The following FBXO36 variants were observed in gnomAD, a reference collection of about 807,000 sequenced individuals.
FBXO36 encodes F-box only protein 36.
Under a neutral mutation model 17.0 loss-of-function variants are expected in FBXO36, and 18 were observed. The ratio of observed to expected loss-of-function variants is 1.06; its 90% CI spans 0.73 to 1.57. The LOEUF (loss-of-function observed/expected upper bound fraction) is 1.57, where lower values mean the gene tolerates loss of function less well. Among genes scored for constraint, FBXO36 ranks in the 40% most tolerant of loss-of-function variants. FBXO36 has a pLI of 0.00. For missense variants in FBXO36, 229 were observed against 221.9 expected (o/e 1.03, Z -0.20); for synonymous variants, 83 against 85.3 (o/e 0.97, Z 0.15).
intron 1 of FBXO36, among the ~76,000 whole-genome samples, chr2:229,930,412 T>A (rs923014772): frequency 6.6e-6 from 1 of 152,168 alleles, no homozygotes; most frequent in Admixed American, 6.5e-5. Context: ...CAGCTGTCTT[T>A]TTGTTTTTCT....
intron 1 of FBXO36, among the ~76,000 whole-genome samples, chr2:229,925,179 T>C (rs750401875): frequency 6.6e-6 from 1 of 152,084 alleles, no homozygotes. Flanking sequence ...GTCAGTTACA[T>C]ATATATAAAA....
chr2:229,924,362 G>A (rs1484245020), intron 1 of FBXO36, among the ~76,000 whole-genome samples: 1 of 152,154 alleles, frequency 6.6e-6, no homozygotes, highest in Non-Finnish European at 1.5e-5. Context: ...CAAATTGCTA[G>A]GATTATAGAC....
At chr2:229,948,905 C>T (rs757409663) in intron 1 of FBXO36, among the ~76,000 whole-genome samples, 24 of 152,204 alleles carry the variant, frequency 1.6e-4, no homozygotes, top group Non-Finnish European at 2.8e-4. Context: ...ATGATCTCAG[C>T]TCACTGCAGC....
Position 230,010,982 on chromosome 2 carries a change from T to C in FBXO36, c.*98T>C. 1 of 1,282,968 alleles carries C rather than the reference T, an allele frequency of 7.8e-7. No homozygotes were observed. 79.5% of individuals were successfully genotyped at this position (1,282,968 alleles called of 1,614,324 possible). A position where few individuals can be genotyped will look rare whatever the true frequency, so the allele number is the denominator to read the frequency against. Reference sequence around the variant, plus strand: ...TCCTTTTCTTAAGAACTAAGAGGTTTTGTTGATGCGTGGAGCCATTTGAAA... The same window carrying C: ...TCCTTTTCTTAAGAACTAAGAGGTTCTGTTGATGCGTGGAGCCATTTGAAA... On this transcript the variant is annotated 3_prime_UTR_variant, in exon 4 of 4. Coordinates refer to ENST00000283946, the MANE Select transcript of FBXO36 (RefSeq NM_174899.5).
chr2:229,956,253 C>T (rs2077086569), intron 1 of FBXO36, among the ~76,000 whole-genome samples: 1 of 152,172 alleles, frequency 6.6e-6, no homozygotes, highest in South Asian at 2.1e-4. Context: ...TCTGCCGAGG[C>T]CTCTCTCCTT....
intron 2 of FBXO36, among the ~76,000 whole-genome samples, chr2:229,978,594 T>C (rs1050473000): frequency 2.6e-5 from 4 of 151,300 alleles, no homozygotes; most frequent in African/African-American, 9.7e-5. Flanking sequence ...TCTCAAAAAA[T>C]AATAATAATA....
At chr2:229,949,752 T>C (rs1225779433) in intron 1 of FBXO36, among the ~76,000 whole-genome samples, 7 of 151,776 alleles carry the variant, frequency 4.6e-5, no homozygotes, top group Admixed American at 1.3e-4. Flanking sequence ...GGTGAAACCC[T>C]GACTCTACTA....
chr2:229,925,126 T>A (rs942794434), intron 1 of FBXO36, among the ~76,000 whole-genome samples: 2 of 151,686 alleles, frequency 1.3e-5, no homozygotes, highest in East Asian at 1.9e-4. Context: ...TTATTTATTT[T>A]TTATTTTTTG....
rs916346152 is a variant in FBXO36 at position 229,975,511 on chromosome 2, C to A, written c.97-730C>A. 6.4e-4 allele frequency among the ~76,000 whole-genome samples: 97 copies of A among 151,122 alleles called. 1 individual carries two copies. The highest frequency in any genetic ancestry group is 2.3e-3 in the African/African-American group (95 of 41,044). On this transcript the variant is annotated intron_variant, in intron 1 of 3. Transcript: ENST00000283946. ...TGAGACAGGGTCTCACTCTGTCACC[C>A]AGGCTGGAGTACAGTGGTGCGATCT...
At chr2:229,967,389 C>T (rs1024358707) in intron 1 of FBXO36, among the ~76,000 whole-genome samples, 28 of 152,166 alleles carry the variant, frequency 1.8e-4, no homozygotes, top group Admixed American at 1.1e-3. Context: ...TGCCTGATTG[C>T]CCTGGCCAGA....
chr2:229,935,853 G>A (rs1407469548), intron 1 of FBXO36, among the ~76,000 whole-genome samples: 1 of 152,192 alleles, frequency 6.6e-6, no homozygotes, highest in Non-Finnish European at 1.5e-5. Flanking sequence ...AAAGTATGTA[G>A]TCTGCCCTCA....
chr2:230,009,231 A>G (rs2077402369), intron 3 of FBXO36, among the ~76,000 whole-genome samples: 1 of 152,018 alleles, frequency 6.6e-6, no homozygotes, highest in Admixed American at 6.6e-5. Flanking sequence ...GCTGTTTGGG[A>G]TAGGAGGTAG....
At position 230,011,091 on chromosome 2, in the gene FBXO36, A is replaced by G. The variant is rs190993116; in HGVS notation, c.*207A>G. 1.2e-4 allele frequency: 66 copies of G among 531,952 alleles called. No individual in the cohort carries two copies. Among genetic ancestry groups the G allele is most frequent in the African/African-American group, 1.2e-3 (63 of 52,752 alleles). The allele number at this position is 531,952 out of a possible 1,614,324, so 33.0% of individuals were successfully genotyped here. On this transcript the variant is annotated 3_prime_UTR_variant, in exon 4 of 4. Transcript: ENST00000283946. ...GTCACCGTCATTCTGAGGTCAAATC[A>G]TGGCCCGAGGACAAGGGCTGTAAGA...
chr2:229,934,022 T>A (rs143394209), intron 1 of FBXO36, among the ~76,000 whole-genome samples: 4 of 151,402 alleles, frequency 2.6e-5, no homozygotes, highest in African/African-American at 9.7e-5. Context: ...TTAAAAAAAG[T>A]TTTGTGATTA....
intron 1 of FBXO36, chr2:229,939,058 G>GTTTTTTTT (rs199897011): frequency 8.6e-6 from 1 of 115,618 alleles, no homozygotes; most frequent in African/African-American, 3.4e-5. Context: ...TTTGTTTTTT[G>GTTTTTTTT]TTTTTTTTTT....
rs150951776 is a variant in FBXO36 at position 229,966,697 on chromosome 2, G to A, written c.97-9544G>A. On this transcript the variant is annotated intron_variant, in intron 1 of 3. Coordinates refer to ENST00000283946, the MANE Select transcript of FBXO36 (RefSeq NM_174899.5). ...TCAAAGACCAGATGGTTGTAGATCT[G>A]TGGTATTATTTCTGAGGGCTTTGTT... Among the ~76,000 whole-genome samples the A allele has an allele frequency of 8.8e-3, 1,333 of 152,192 alleles. 16 individuals are homozygous for A. Among genetic ancestry groups the A allele is most frequent in the African/African-American group, 0.03 (1,258 of 41,504 alleles).
chr2:229,930,110 G>C (rs2076931800), intron 1 of FBXO36, among the ~76,000 whole-genome samples: 1 of 152,154 alleles, frequency 6.6e-6, no homozygotes, highest in African/African-American at 2.4e-5. Flanking sequence ...CACGTTGGGA[G>C]ACCTAGGCAG....
chr2:229,948,856 C>T (rs764297817), intron 1 of FBXO36, among the ~76,000 whole-genome samples: 41 of 152,122 alleles, frequency 2.7e-4, no homozygotes, highest in Non-Finnish European at 4.4e-4. Context: ...TTTTTTGAGA[C>T]GAAGTCTCAT....
intron 1 of FBXO36, among the ~76,000 whole-genome samples, chr2:229,964,526 T>G (rs1449126840): frequency 6.6e-6 from 1 of 152,250 alleles, no homozygotes; most frequent in Non-Finnish European, 1.5e-5. Flanking sequence ...TTCTTTTTGT[T>G]TCTTTGTTTT....
Sources: allele counts gnomAD v4.1 joint callset (sites outside exome capture counted in the v4.1 genomes callset), GRCh38; gene constraint gnomAD v4.1.1; transcripts MANE v1.5; gene names NCBI Gene and HGNC (gene_info 2026-07-23, HGNC 2026-07-21).